The following DRC8 variants were observed in gnomAD, a reference collection of about 807,000 sequenced individuals.
DRC8 encodes the protein dynein regulatory complex protein 8.
the DRC8 span, among the ~76,000 whole-genome samples, chr1:245,108,356 T>C: frequency 6.6e-6 from 1 of 152,232 alleles, no homozygotes; most frequent in Non-Finnish European, 1.5e-5. Context: ...CACTGCAACA[T>C]TGAATGCTTG....
chr1:245,031,611 G>A, the DRC8 span, among the ~76,000 whole-genome samples: 3 of 152,096 alleles, frequency 2.0e-5, no homozygotes, highest in African/African-American at 7.2e-5. Context: ...TATGTGAGCC[G>A]TCTCCATGAC....
the DRC8 span, among the ~76,000 whole-genome samples, chr1:245,049,682 A>T: frequency 3.3e-5 from 5 of 152,226 alleles, no homozygotes; most frequent in Non-Finnish European, 7.3e-5. This position sits in a 1 kb window ranked among gnomAD's most constrained non-coding sequence, Gnocchi z 4.5. Flanking sequence ...GCGGCCCTGG[A>T]TCTACGGTCA....
chr1:245,011,921 A>G, the DRC8 span, among the ~76,000 whole-genome samples: 1 of 152,300 alleles, frequency 6.6e-6, no homozygotes, highest in South Asian at 2.1e-4. Context: ...GAAGCCTTTT[A>G]TTGAGAAGCT....
chr1:245,082,076 T>C, the DRC8 span: 604,517 of 1,576,666 alleles, frequency 0.38, 120,597 homozygotes, highest in Middle Eastern at 0.48. Flanking sequence ...ACTTATTGAA[T>C]GTTTAGGTAG....
At chr1:245,030,091 A>C in the DRC8 span, among the ~76,000 whole-genome samples, 1 of 152,202 alleles carries the variant, frequency 6.6e-6, no homozygotes, top group East Asian at 1.9e-4. Context: ...AGGAAATCTA[A>C]TATTAGATTC....
At chr1:244,989,970 T>A in the DRC8 span, among the ~76,000 whole-genome samples, 1 of 152,266 alleles carries the variant, frequency 6.6e-6, no homozygotes, top group African/African-American at 2.4e-5. Flanking sequence ...CCTACCAGGA[T>A]GTGAATCATC....
At chr1:245,078,459 G>T in the DRC8 span, among the ~76,000 whole-genome samples, 2 of 19,338 alleles carry the variant, frequency 1.0e-4, no homozygotes, top group Non-Finnish European at 1.4e-4. Context: ...GATAGTATAT[G>T]TACACACACA....
the DRC8 span, among the ~76,000 whole-genome samples, chr1:244,974,509 A>C: frequency 1.3e-5 from 2 of 152,186 alleles, no homozygotes; most frequent in African/African-American, 4.8e-5. Context: ...TAAATGGAAG[A>C]GGTTTTACAA....
the DRC8 span, among the ~76,000 whole-genome samples, chr1:245,010,681 C>CTTTTTT: frequency 2.8e-4 from 35 of 127,228 alleles, 1 homozygote; most frequent in East Asian, 6.9e-4. Context: ...CTTTTTCTTT[C>CTTTTTT]TTTTTTTTTT....
At chr1:245,066,687 C>G in the DRC8 span, among the ~76,000 whole-genome samples, 1 of 152,140 alleles carries the variant, frequency 6.6e-6, no homozygotes, top group Non-Finnish European at 1.5e-5. Flanking sequence ...GTGGGCGGAT[C>G]ATAAGGTCAG....
At chr1:245,092,674 CAG>C in the DRC8 span, among the ~76,000 whole-genome samples, 3 of 152,332 alleles carry the variant, frequency 2.0e-5, no homozygotes, top group Admixed American at 6.5e-5. Context: ...TTAATATTCT[CAG>C]GGGATCCTTA....
the DRC8 span, among the ~76,000 whole-genome samples, chr1:245,016,567 G>C: frequency 6.6e-6 from 1 of 152,002 alleles, no homozygotes; most frequent in Non-Finnish European, 1.5e-5. Flanking sequence ...GTATTTTATC[G>C]AATATTACGA....
chr1:245,042,159 A>G, the DRC8 span, among the ~76,000 whole-genome samples: 1 of 152,242 alleles, frequency 6.6e-6, no homozygotes, highest in South Asian at 2.1e-4. Context: ...AGTAATCGCA[A>G]TGCTGCGGAG....
the DRC8 span, among the ~76,000 whole-genome samples, chr1:245,113,275 C>T: frequency 3.9e-5 from 6 of 152,136 alleles, no homozygotes; most frequent in Middle Eastern, 3.2e-3. Flanking sequence ...GGTTCCCAGG[C>T]GCTCCTTCAT....
the DRC8 span, among the ~76,000 whole-genome samples, chr1:244,972,816 A>C: frequency 7.4e-6 from 1 of 134,474 alleles, no homozygotes; most frequent in South Asian, 2.2e-4. Flanking sequence ...ACTCCGTCTC[A>C]AAAAAAAAAA....
chr1:245,083,597 A>C, the DRC8 span: 1 of 1,599,698 alleles, frequency 6.3e-7, no homozygotes, highest in Non-Finnish European at 8.5e-7. Context: ...GAAAAATATA[A>C]TATCTATCTT....
At chr1:245,097,382 G>A in the DRC8 span, among the ~76,000 whole-genome samples, 1 of 152,106 alleles carries the variant, frequency 6.6e-6, no homozygotes, top group African/African-American at 2.4e-5. This position sits in a 1 kb window ranked among gnomAD's most constrained non-coding sequence, Gnocchi z 5.0. Flanking sequence ...GCTGGGCATG[G>A]TGGCGGGCGC....
the DRC8 span, among the ~76,000 whole-genome samples, chr1:245,046,747 A>G: frequency 6.6e-6 from 1 of 152,150 alleles, no homozygotes. Context: ...TTTCATTATC[A>G]TTTGAGGAAA....
the DRC8 span, among the ~76,000 whole-genome samples, chr1:245,011,983 C>T: frequency 6.6e-6 from 1 of 151,998 alleles, no homozygotes; most frequent in Admixed American, 6.6e-5. Context: ...TGGGAGGTCA[C>T]GGGAGGTGGA....
Sources: allele counts gnomAD v4.1 joint callset (sites outside exome capture counted in the v4.1 genomes callset), GRCh38; gene constraint gnomAD v4.1.1; non-coding constraint Gnocchi (gnomAD v3.1); transcripts MANE v1.5; gene names NCBI Gene and HGNC (gene_info 2026-07-23, HGNC 2026-07-21).